Variants in GALC observed in about 807,000 individuals in gnomAD.
GALC encodes galactocerebrosidase.
Under a neutral mutation model 91.8 loss-of-function variants are expected in GALC, and 77 were observed. The ratio of observed to expected loss-of-function variants is 0.84; its 90% CI spans 0.70 to 1.01. The LOEUF is 1.01. GALC is among the 50% of genes least tolerant of loss of function. The probability of loss-of-function intolerance (pLI) is 0.00; values close to 1 mark genes in which losing one functional copy is unlikely to be tolerated. For synonymous variants in GALC, 357 were observed against 306.7 expected (o/e 1.16, Z -1.71); for missense variants, 882 against 855.9 (o/e 1.03, Z -0.38).
chr14:87,945,008 A>G lies in GALC; in HGVS notation c.1670+545T>C, dbSNP rs114532242. ...GAGGAAGGGAAAGTTTTAGTTTGGC[A>G]TTATATTTTATGTGAATAATATAAC... On this transcript the variant is annotated intron_variant, in intron 14 of 16. Coordinates refer to ENST00000261304, the MANE Select transcript of GALC (RefSeq NM_000153.4). Among the ~76,000 whole-genome samples the G allele has an allele frequency of 4.4e-3, 676 of 152,140 alleles. 4 individuals are homozygous for G. Among genetic ancestry groups the G allele is most frequent in the African/African-American group, 0.015 (640 of 41,530 alleles).
intron 14 of GALC, 72 bp downstream of exon 14, chr14:87,945,481 T>C (rs1353429781): frequency 1.8e-6 from 2 of 1,137,836 alleles, no homozygotes; most frequent in African/African-American, 3.0e-5. Flanking sequence ...TGAAAACTCT[T>C]CACTTCAAAA....
At chr14:87,955,031 T>C (rs1885465488) in intron 10 of GALC, 2 of 1,355,820 alleles carry the variant, frequency 1.5e-6, no homozygotes, top group East Asian at 2.3e-5. Context: ...ACCTATGGGA[T>C]GGTCATGGCA....
intron 9 of GALC, among the ~76,000 whole-genome samples, chr14:87,963,793 TC>T (rs542206859): frequency 4.6e-5 from 7 of 150,986 alleles, no homozygotes; most frequent in South Asian, 2.1e-4. Flanking sequence ...AAATAGTTAT[TC>T]CCCCCCCAAA....
intron 6 of GALC, among the ~76,000 whole-genome samples, chr14:87,978,407 C>T (rs914703314): frequency 5.9e-5 from 9 of 152,262 alleles, no homozygotes; most frequent in Admixed American, 1.3e-4. Context: ...TTTTTCACTA[C>T]GGATGGATCT....
Position 87,976,690 on chromosome 14 carries a change from C to G in GALC, c.622-202G>C, listed in dbSNP as rs1174373474. On this transcript the variant is annotated intron_variant, in intron 6 of 16. Coordinates refer to ENST00000261304, the MANE Select transcript of GALC (RefSeq NM_000153.4). ...AGTGCAGTGGCAGGATCTCAGCTCACTGCAACCTCTGCCTCCAGGGCTCAA... is the reference window on the plus strand; with the variant it reads ...AGTGCAGTGGCAGGATCTCAGCTCAGTGCAACCTCTGCCTCCAGGGCTCAA... 6.3e-6 allele frequency: 3 copies of G among 477,858 alleles called. No individual in the cohort carries two copies. The East Asian group carries it at 1.3e-4, about 20-fold the overall frequency. 29.6% of individuals were successfully genotyped at this position (477,858 alleles called of 1,614,324 possible).
intron 7 of GALC, among the ~76,000 whole-genome samples, chr14:87,969,230 A>G (rs74387576): frequency 0.11 from 17,188 of 152,156 alleles, 1,144 homozygotes; most frequent in Non-Finnish European, 0.16. Flanking sequence ...ATTTGCTACT[A>G]GCATCTAGAG....
chr14:87,952,932 G>T lies in GALC; in HGVS notation c.1162-2184C>A, dbSNP rs140322005. The T allele has an allele frequency of 7.6e-4, 684 of 894,150 alleles. 5 individuals are homozygous for T. The African/African-American group carries it at 9.9e-3, about 13-fold the overall frequency. 55.4% of individuals were successfully genotyped at this position (894,150 alleles called of 1,614,324 possible). On this transcript the variant is annotated intron_variant, in intron 10 of 16. Coordinates refer to ENST00000261304, the MANE Select transcript of GALC (RefSeq NM_000153.4). ...TCTCAGTGAAAATAAAATTATAGAT[G>T]AACAGCCTAAACATCAGTCAGATAT...
At chr14:87,951,147 T>A (rs528720007) in intron 10 of GALC, among the ~76,000 whole-genome samples, 25 of 151,170 alleles carry the variant, frequency 1.7e-4, no homozygotes, top group African/African-American at 4.6e-4. Context: ...AAGTAAAAAA[T>A]ATATATATAT....
chr14:87,964,659 C>A (rs1339482555), intron 9 of GALC, among the ~76,000 whole-genome samples: 1 of 152,022 alleles, frequency 6.6e-6, no homozygotes, highest in Non-Finnish European at 1.5e-5. Context: ...TCAATAAAAA[C>A]GGATGTATTA....
intron 14 of GALC, among the ~76,000 whole-genome samples, chr14:87,943,861 A>G (rs422580): frequency 0.96 from 145,458 of 151,956 alleles, 69,913 homozygotes; most frequent in Non-Finnish European, 1. Flanking sequence ...ATAACACATA[A>G]TAGATGAGAC....
chr14:87,969,784 C>A (rs1037939493), intron 7 of GALC, among the ~76,000 whole-genome samples: 6 of 152,094 alleles, frequency 3.9e-5, no homozygotes, highest in Non-Finnish European at 7.4e-5. Context: ...TTTGGTAATT[C>A]TTTATACCTA....
At chr14:87,941,955 A>G (rs1362267477) in intron 14 of GALC, among the ~76,000 whole-genome samples, 1 of 135,646 alleles carries the variant, frequency 7.4e-6, no homozygotes, top group Admixed American at 8.3e-5. Flanking sequence ...AACTTCCATC[A>G]ACAAAGAGAG....
intron 6 of GALC, among the ~76,000 whole-genome samples, chr14:87,978,171 C>A (rs1469242280): frequency 6.6e-6 from 1 of 152,158 alleles, no homozygotes; most frequent in East Asian, 1.9e-4. Context: ...CCTGCCTCAG[C>A]CTCTCAAGTA....
At chr14:87,954,025 A>G in intron 10 of GALC, 6 of 1,609,828 alleles carry the variant, frequency 3.7e-6, no homozygotes, top group Non-Finnish European at 5.1e-6. Context: ...GTTGTTATTC[A>G]TGAGGACCAA....
In GALC at chr14:87,954,051, G is replaced by C. The variant is rs1885417244; in HGVS notation, c.1162-3303C>G. On this transcript the variant is annotated intron_variant, in intron 10 of 16. Transcript: ENST00000261304. Reference sequence around the variant, plus strand: ...TGAGGACCAATGGGTTGGCGAGACAGTACTACAATCAACATTTAGCAGTCA... The same window carrying C: ...TGAGGACCAATGGGTTGGCGAGACACTACTACAATCAACATTTAGCAGTCA... 2.5e-6 allele frequency: 4 copies of C among 1,609,826 alleles called. No homozygotes were observed. In the Middle Eastern group the frequency reaches 9.0e-4, roughly 364 times the overall value.
intron 1 of GALC, chr14:87,992,345 T>C (rs1267433857): frequency 6.5e-7 from 1 of 1,535,410 alleles, no homozygotes; most frequent in Non-Finnish European, 8.7e-7. Flanking sequence ...CCAGAGGGAG[T>C]ACCCGGTAGT....
rs893433662 is a variant in GALC, at chr14:87,934,125, T to G, written c.*607A>C. 9 of 1,448,106 alleles carry G rather than the reference T, an allele frequency of 6.2e-6. No individual in the cohort carries two copies. The African/African-American group carries it at 1.3e-4, about 21-fold the overall frequency. 89.7% of individuals were successfully genotyped at this position (1,448,106 alleles called of 1,614,324 possible). On this transcript the variant is annotated 3_prime_UTR_variant, in exon 17 of 17. Coordinates refer to ENST00000261304, the MANE Select transcript of GALC (RefSeq NM_000153.4). ...ATTACTGCAGAAATAGTGTTAGAGGTAGTTTATTAAAGAGGCATTTTTAAA... is the reference window on the plus strand; with the variant it reads ...ATTACTGCAGAAATAGTGTTAGAGGGAGTTTATTAAAGAGGCATTTTTAAA...
Position 87,982,191 on chromosome 14 carries a change from A to G in GALC, c.621+14T>C, listed in dbSNP as rs368224701. On this transcript the variant is annotated intron_variant, in intron 6 of 16. Transcript: ENST00000261304. ...AAAAAGTTAAAAACAAAAAGATACTAAAGTTGTACACACCTTAATATAATT... is the reference window on the plus strand; with the variant it reads ...AAAAAGTTAAAAACAAAAAGATACTGAAGTTGTACACACCTTAATATAATT... 41 of 1,446,004 alleles carry G rather than the reference A, an allele frequency of 2.8e-5. No individual in the cohort carries two copies. Among genetic ancestry groups the G allele is most frequent in the African/African-American group, 8.4e-5 (6 of 71,660 alleles). The allele number at this position is 1,446,004 out of a possible 1,614,324, so 89.6% of individuals were successfully genotyped here.
chr14:87,991,303 A>G (rs1471526104), intron 1 of GALC, among the ~76,000 whole-genome samples: 1 of 152,096 alleles, frequency 6.6e-6, no homozygotes, highest in Non-Finnish European at 1.5e-5. Flanking sequence ...CCCGGGTTCA[A>G]GCGATTCTCC....
Sources: allele counts gnomAD v4.1 joint callset (sites outside exome capture counted in the v4.1 genomes callset), GRCh38; gene constraint gnomAD v4.1.1; transcripts MANE v1.5; gene names NCBI Gene and HGNC (gene_info 2026-07-23, HGNC 2026-07-21).